The following PHKB variants were observed in gnomAD, a reference collection of about 807,000 sequenced individuals.
PHKB encodes the protein phosphorylase kinase regulatory subunit beta.
A neutral mutation model predicts 152.1 loss-of-function variants in PHKB; 122 were observed. The ratio of observed to expected loss-of-function variants is 0.80; its 90% CI spans 0.69 to 0.93. PHKB has a LOEUF of 0.93. PHKB is among the 40% of genes least tolerant of loss of function. The pLI is 0.00. For missense variants in PHKB, 1,304 were observed against 1,328.4 expected (o/e 0.98, Z 0.29); for synonymous variants, 436 against 464.9 (o/e 0.94, Z 0.80).
rs374352351 is a variant in PHKB, at chr16:47,490,194, T to C, written c.77-7205T>C. ...CCTGTACATTTTTTCTTTATTCCAA[T>C]ATTACAATCTACAAAGTTATCAGAA... On this transcript the variant is annotated intron_variant, in intron 1 of 30. Transcript: ENST00000323584. Among the ~76,000 whole-genome samples, 67 of 152,272 alleles carry C rather than the reference T, an allele frequency of 4.4e-4. No homozygotes were observed. The South Asian group carries it at 0.013, about 30-fold the overall frequency.
chr16:47,665,162 T>A (rs943763180), intron 25 of PHKB, 187 bp downstream of exon 25: 1 of 587,198 alleles, frequency 1.7e-6, no homozygotes, highest in Admixed American at 2.9e-5. Flanking sequence ...TATGTTGAAA[T>A]TAAGGAATAT....
At chr16:47,525,693 C>T (rs1970754435) in intron 6 of PHKB, among the ~76,000 whole-genome samples, 2 of 152,086 alleles carry the variant, frequency 1.3e-5, no homozygotes, top group South Asian at 2.1e-4. Flanking sequence ...ATGAAAAGCA[C>T]AAATCTTTGT....
chr16:47,464,649 T>C (rs1969636020), intron 1 of PHKB, among the ~76,000 whole-genome samples: 1 of 152,208 alleles, frequency 6.6e-6, no homozygotes, highest in African/African-American at 2.4e-5. Flanking sequence ...CAGACATGAT[T>C]ACCTATGCAT....
intron 14 of PHKB, among the ~76,000 whole-genome samples, chr16:47,636,811 C>T (rs1159188228): frequency 6.6e-6 from 1 of 152,158 alleles, no homozygotes; most frequent in Non-Finnish European, 1.5e-5. Context: ...GGAAAACAGG[C>T]TCCTGGGCGG....
chr16:47,556,348 A>G (rs1422684748), intron 7 of PHKB, among the ~76,000 whole-genome samples: 3 of 152,282 alleles, frequency 2.0e-5, no homozygotes, highest in Non-Finnish European at 2.9e-5. Flanking sequence ...TCTTGTGCCC[A>G]TATTCAAAGG....
chr16:47,685,066 GTTCC>G (rs546125870), intron 26 of PHKB, among the ~76,000 whole-genome samples: 20 of 152,064 alleles, frequency 1.3e-4, no homozygotes, highest in Non-Finnish European at 2.1e-4. Context: ...TCTGCCCTTT[GTTCC>G]TTCCTTCCTT....
intron 1 of PHKB, among the ~76,000 whole-genome samples, chr16:47,493,102 G>A (rs539571410): frequency 6.6e-6 from 1 of 152,262 alleles, no homozygotes; most frequent in African/African-American, 2.4e-5. Flanking sequence ...CAAACAGTGC[G>A]CACTTCCTGA....
chr16:47,500,783 G>A (rs1406298116), intron 3 of PHKB, among the ~76,000 whole-genome samples: 2 of 151,940 alleles, frequency 1.3e-5, no homozygotes, highest in African/African-American at 2.4e-5. Context: ...GAATGTGGAT[G>A]CTAACACATA....
intron 1 of PHKB, among the ~76,000 whole-genome samples, chr16:47,473,858 C>T (rs1969823238): frequency 6.6e-6 from 1 of 152,148 alleles, no homozygotes; most frequent in Non-Finnish European, 1.5e-5. Context: ...CACATACTTA[C>T]TATTTTTTCG....
In PHKB at chr16:47,685,245, C is replaced by T. The variant is rs139461461; in HGVS notation, c.2631-3796C>T. ...TTCAAGACCAGCCTGTCCAACATGG[C>T]GAAACTTCATCTGTACTAAAAATAC... On this transcript the variant is annotated intron_variant, in intron 26 of 30. Coordinates refer to ENST00000323584, the MANE Select transcript of PHKB (RefSeq NM_000293.3). 3.2e-3 allele frequency among the ~76,000 whole-genome samples: 492 copies of T among 152,124 alleles called. 3 individuals are homozygous for T. The highest frequency in any genetic ancestry group is 0.011 in the African/African-American group (462 of 41,496).
At chr16:47,665,331 T>TA (rs536001734) in intron 25 of PHKB, 1,855 of 209,282 alleles carry the variant, frequency 8.9e-3, no homozygotes, top group South Asian at 0.018. Context: ...TGCTGTACTT[T>TA]AAAAAAAAAA....
At chr16:47,677,779 T>A (rs1335724910) in intron 26 of PHKB, among the ~76,000 whole-genome samples, 1 of 152,096 alleles carries the variant, frequency 6.6e-6, no homozygotes, top group Non-Finnish European at 1.5e-5. Flanking sequence ...AATTTTTTTT[T>A]TTTTTATACT....
chr16:47,534,358 C>T (rs943514303), intron 6 of PHKB, among the ~76,000 whole-genome samples: 2 of 152,160 alleles, frequency 1.3e-5, no homozygotes, highest in African/African-American at 4.8e-5. Flanking sequence ...GGAGTCTTGT[C>T]CAGTTACTTC....
chr16:47,695,539 T>G (rs547840931), intron 28 of PHKB, among the ~76,000 whole-genome samples: 1 of 152,234 alleles, frequency 6.6e-6, no homozygotes, highest in Admixed American at 6.5e-5. Flanking sequence ...GTCACTTGAT[T>G]GAAAGAGGAC....
intron 7 of PHKB, among the ~76,000 whole-genome samples, chr16:47,564,011 T>TC (rs1159131548): frequency 6.6e-6 from 1 of 151,400 alleles, no homozygotes; most frequent in Non-Finnish European, 1.5e-5. Flanking sequence ...TTTTTTTTTT[T>TC]TTTGGCTGAG....
intron 14 of PHKB, among the ~76,000 whole-genome samples, chr16:47,614,683 T>C (rs775668769): frequency 4.6e-5 from 7 of 152,216 alleles, no homozygotes; most frequent in Non-Finnish European, 8.8e-5. Flanking sequence ...TTAAACATAA[T>C]TTTTAAAAAT....
chr16:47,462,000 G>T (rs181165545), intron 1 of PHKB: 1 of 153,044 alleles, frequency 6.5e-6, no homozygotes, highest in African/African-American at 2.4e-5. Flanking sequence ...AGAAAGAAAA[G>T]GGCTTCTTAA....
At chr16:47,698,114 C>A (rs1974182604) in intron 29 of PHKB, among the ~76,000 whole-genome samples, 1 of 151,942 alleles carries the variant, frequency 6.6e-6, no homozygotes, top group Non-Finnish European at 1.5e-5. Context: ...GGATTGACAC[C>A]CAAAGGCCTA....
intron 16 of PHKB, 58 bp downstream of exon 16, chr16:47,641,750 T>G: frequency 2.2e-6 from 2 of 920,900 alleles, no homozygotes; most frequent in South Asian, 1.3e-5. Flanking sequence ...GCTTGATGGT[T>G]GGACTTAGTT....
Sources: gnomAD v4.1 joint callset for allele counts (sites outside exome capture counted in the v4.1 genomes callset) on GRCh38, gnomAD v4.1.1 for gene constraint, MANE v1.5 for transcripts, NCBI Gene and HGNC (gene_info 2026-07-23, HGNC 2026-07-21) for gene names.